Variants in CAD observed in about 807,000 individuals in gnomAD.
CAD encodes the protein carbamoyl-phosphate synthetase 2, aspartate transcarbamylase, and dihydroorotase.
In CAD, 81 loss-of-function variants were observed where a neutral mutation model predicts 237.2. The ratio of observed to expected loss-of-function variants is 0.34; its 90% confidence interval spans 0.29 to 0.41. CAD has a LOEUF of 0.41. Ranked by LOEUF, CAD falls within the 10% of genes least tolerant of loss-of-function variation. The pLI is 1.00. For missense variants in CAD, 2,181 were observed against 2,951.7 expected (o/e 0.74, Z 6.05); for synonymous variants, 1,196 against 1,162.8 (o/e 1.03, Z -0.58).
In CAD at chr2:27,240,253, T is replaced by A. The variant is rs1676245980; in HGVS notation, c.5497-12T>A. ...AAAAAAAAACAACTCTGGGCCAACG[T>A]TATCCCTCCAGACACCTGAAAGACC... On this transcript the variant is annotated splice_polypyrimidine_tract_variant and intron_variant, in intron 34 of 43. Coordinates refer to ENST00000264705, the MANE Select transcript of CAD (RefSeq NM_004341.5). The surrounding 1 kb of genome is among the most constrained non-coding windows in gnomAD (Gnocchi z 4.6). 1.2e-6 allele frequency: 2 copies of A among 1,602,496 alleles called. No homozygotes were observed. The highest frequency in any genetic ancestry group is 3.4e-5 in the Admixed American group (2 of 58,892).
chr2:27,225,788 C>T lies in CAD; in HGVS notation c.1704C>T (p.Ala568=). Residue 568 remains alanine, a synonymous_variant, in exon 12 of 44, where the codon GCC becomes GCT. Coordinates refer to ENST00000264705, the MANE Select transcript of CAD (RefSeq NM_004341.5). The stretch of plus-strand genomic sequence containing the variant: ...TGGGTGGCCTGGGCTCTGGCTTTGC[C>T]TCTAACAGGGAGGAGCTCTCTGCTC... The part of the protein sequence containing the change: ...FALGGLGSGF[A]SNREELSALV... The T allele has an allele frequency of 6.2e-7, 1 of 1,614,208 alleles. No individual in the cohort carries two copies. The highest frequency in any genetic ancestry group is 8.5e-7 in the Non-Finnish European group (1 of 1,180,038).
In CAD at chr2:27,237,871, C is replaced by T. The variant is rs1676098103; in HGVS notation, c.4717C>T (p.Gln1573Ter). ...FSELRLDSVV[Q>*]WMEHFETWPS... is the part of the protein sequence containing the mutation. ...TGAGCTGCGGCTGGACAGCGTGGTC[C>T]AGTGGATGGAGGTAGGGAGTGTGCA... Residue 1573 changes from glutamine to a stop codon, truncating the protein, a stop_gained, in exon 29 of 44, where the codon CAG (glutamine) becomes TAG (stop). Coordinates refer to ENST00000264705, the MANE Select transcript of CAD (RefSeq NM_004341.5). LOFTEE classifies it high-confidence loss of function. The surrounding 1 kb of genome is among the most constrained non-coding windows in gnomAD (Gnocchi z 4.0). The T allele has an allele frequency of 6.2e-7, 1 of 1,611,120 alleles. No homozygotes were observed. The highest frequency in any genetic ancestry group is 8.5e-7 in the Non-Finnish European group (1 of 1,178,414).
chr2:27,242,864 C>T lies in CAD; in HGVS notation c.6379-8C>T, dbSNP rs1015948575. On this transcript the variant is annotated splice_polypyrimidine_tract_variant and splice_region_variant and intron_variant, in intron 41 of 43. Transcript: ENST00000264705. This position sits in a 1 kb window ranked among gnomAD's most constrained non-coding sequence, Gnocchi z 6.4. The stretch of plus-strand genomic sequence containing the variant: ...GCTGCATCCACCATGGCTCTCCTCA[C>T]CCTCCAGGAGGAATTCGAGAGCATT... The T allele has an allele frequency of 1.2e-6, 2 of 1,613,450 alleles. No homozygotes were observed. The highest frequency in any genetic ancestry group is 1.3e-5 in the African/African-American group (1 of 74,934).
Position 27,236,127 on chromosome 2 carries a change from C to T in CAD, c.4075-157C>T, listed in dbSNP as rs1558540181. Among the ~76,000 whole-genome samples, 1 of 150,420 alleles carries T rather than the reference C, an allele frequency of 6.6e-6. No individual in the cohort carries two copies. Among genetic ancestry groups the T allele is most frequent in the East Asian group, 2.0e-4 (1 of 5,080 alleles). Reference sequence around the variant, plus strand: ...TAGATATCTTTCCTGCCAAGAAATACACTTTGCCAGTATCAAATAGAGGCA... The same window carrying T: ...TAGATATCTTTCCTGCCAAGAAATATACTTTGCCAGTATCAAATAGAGGCA... On this transcript the variant is annotated intron_variant, in intron 25 of 43. Transcript: ENST00000264705. The surrounding 1 kb of genome is among the most constrained non-coding windows in gnomAD (Gnocchi z 4.1).
chr2:27,223,877 A>G (rs773035547), intron 7 of CAD, 40 bp from the exon 8 acceptor site: 3 of 1,557,762 alleles, frequency 1.9e-6, no homozygotes, highest in East Asian at 2.2e-5. Context: ...GTGTCATGCC[A>G]GGGACCATGA....
At position 27,234,647 on chromosome 2, in the gene CAD, G is replaced by A. The variant is rs760772756; in HGVS notation, c.3748G>A (p.Val1250Met). Reference sequence around the variant, plus strand: ...CATCATGGGGGAAGAAGTGGAACCTGTGGGGCTAATGACTGGTTCTGGAGT... The same window carrying A: ...CATCATGGGGGAAGAAGTGGAACCTATGGGGCTAATGACTGGTTCTGGAGT... ...RVIMGEEVEP[V>M]GLMTGSGVVG... Residue 1250 changes from valine (V) to methionine (M), a missense_variant, in exon 23 of 44, where the codon GTG becomes ATG. By Grantham distance (21) the Val-to-Met change is conservative. Around this residue, in one of 12 missense-constraint regions of CAD, gnomAD observed 306 missense variants for 607.9 expected, o/e 0.50. Coordinates refer to ENST00000264705, the MANE Select transcript of CAD (RefSeq NM_004341.5). 8.1e-6 allele frequency: 13 copies of A among 1,614,178 alleles called. No individual in the cohort carries two copies. The South Asian group carries it at 1.3e-4, about 16-fold the overall frequency.
chr2:27,226,693 G>A (rs759985811), intron 14 of CAD, 44 bp downstream of exon 14: 1 of 1,611,122 alleles, frequency 6.2e-7, no homozygotes, highest in Non-Finnish European at 8.5e-7. Context: ...GTGGGTCGGG[G>A]GCTGAGGAAA....
intron 6 of CAD, 95 bp from the exon 7 acceptor site, chr2:27,223,468 G>A (rs1675281834): frequency 9.2e-7 from 1 of 1,088,702 alleles, no homozygotes; most frequent in Non-Finnish European, 1.3e-6. Flanking sequence ...CAGGAGTGAG[G>A]CTACTGAGAA....
rs756404773 is a variant in CAD at position 27,233,562 on chromosome 2, C to A, written c.3216+26C>A. On this transcript the variant is annotated intron_variant, in intron 20 of 43. Transcript: ENST00000264705. This position sits in a 1 kb window ranked among gnomAD's most constrained non-coding sequence, Gnocchi z 6.3. The stretch of plus-strand genomic sequence containing the variant: ...GTGGGCTGGGACCTGGTGGGTTACC[C>A]GGAGGCTGGATGATGCTTGGGGGAA... 7 of 1,613,544 alleles carry A rather than the reference C, an allele frequency of 4.3e-6. No homozygotes were observed. Among genetic ancestry groups the A allele is most frequent in the Non-Finnish European group, 5.9e-6 (7 of 1,179,624 alleles).
chr2:27,223,846 C>T, intron 7 of CAD, 71 bp from the exon 8 acceptor site: 1 of 1,544,522 alleles, frequency 6.5e-7, no homozygotes, highest in Non-Finnish European at 8.9e-7. Flanking sequence ...CCCTGTCCCA[C>T]TACCCACCTC....
At chr2:27,223,514 T>A in intron 6 of CAD, 49 bp from the exon 7 acceptor site, 1 of 1,559,402 alleles carries the variant, frequency 6.4e-7, no homozygotes, top group Non-Finnish European at 8.8e-7. Flanking sequence ...GGTTCAGTAG[T>A]GAAGAGAGGG....
chr2:27,237,679 T>C lies in CAD; in HGVS notation c.4564-39T>C. ...GGTGCCAGGCTAGCCTGTGTGGGCA[T>C]GGGTGCCAGTGAGCCTTACCTCTGT... On this transcript the variant is annotated intron_variant, in intron 28 of 43. Transcript: ENST00000264705. This position sits in a 1 kb window ranked among gnomAD's most constrained non-coding sequence, Gnocchi z 4.0. 1 of 1,592,264 alleles carries C rather than the reference T, an allele frequency of 6.3e-7. No individual in the cohort carries two copies. The highest frequency in any genetic ancestry group is 8.6e-7 in the Non-Finnish European group (1 of 1,167,136).
At position 27,241,100 on chromosome 2, in the gene CAD, C is replaced by A; in HGVS notation, c.5681C>A (p.Pro1894Gln). Residue 1894 changes from proline (P) to glutamine (Q), a missense_variant, in exon 37 of 44, where the codon CCA becomes CAA. This residue lies in a region of CAD where 203 missense variants were observed against 284.5 expected (regional missense o/e 0.71). Coordinates refer to ENST00000264705, the MANE Select transcript of CAD (RefSeq NM_004341.5). This position sits in a 1 kb window ranked among gnomAD's most constrained non-coding sequence, Gnocchi z 4.6. ...TPDGTCYPPP[P>Q]VPRQASPQNL... ...GATGGCACCTGCTACCCTCCACCAC[C>A]AGTACCGAGACAGGCATCTCCCCAG... 6.2e-7 allele frequency: 1 copy of A among 1,609,304 alleles called. No homozygotes were observed.
rs1461244817 is a variant in CAD, at chr2:27,238,193, A to T, written c.4860+6A>T. On this transcript the variant is annotated splice_donor_region_variant and intron_variant, in intron 30 of 43. Transcript: ENST00000264705. Reference sequence around the variant, plus strand: ...ACGTGGCACGGAAGGAGGAGGTAAGAGTACACCTGAGATCCTGCTGTCCCT... The same window carrying T: ...ACGTGGCACGGAAGGAGGAGGTAAGTGTACACCTGAGATCCTGCTGTCCCT... 4 of 1,613,646 alleles carry T rather than the reference A, an allele frequency of 2.5e-6. No homozygotes were observed. Among genetic ancestry groups the T allele is most frequent in the Admixed American group, 3.3e-5 (2 of 59,968 alleles).
intron 1 of CAD, 33 bp downstream of exon 1, chr2:27,217,666 C>T: frequency 1.3e-6 from 2 of 1,554,874 alleles, no homozygotes; most frequent in Non-Finnish European, 1.7e-6. Flanking sequence ...CAGACCTTAT[C>T]CCACTCTGTG....
In CAD at chr2:27,233,061, T is replaced by C. The variant is rs772540619; in HGVS notation, c.2912T>C (p.Met971Thr). ...TTGCAGATGGGATATAAGACCATCATGGTGAACTATAACCCAGAGACAGTC... is the reference window on the plus strand; with the variant it reads ...TTGCAGATGGGATATAAGACCATCACGGTGAACTATAACCCAGAGACAGTC... ...QLRKMGYKTI[M>T]VNYNPETVST... Residue 971 changes from methionine (M) to threonine (T), a missense_variant, in exon 19 of 44, where the codon ATG (methionine) becomes ACG (threonine). Around this residue, in one of 12 missense-constraint regions of CAD, gnomAD observed 385 missense variants for 535.1 expected, o/e 0.72. Transcript: ENST00000264705. The surrounding 1 kb of genome is among the most constrained non-coding windows in gnomAD (Gnocchi z 6.3). 1.2e-6 allele frequency: 2 copies of C among 1,611,700 alleles called. No individual in the cohort carries two copies. The highest frequency in any genetic ancestry group is 1.7e-6 in the Non-Finnish European group (2 of 1,177,766).
At chr2:27,229,432 AT>A (rs1365111538) in intron 15 of CAD, among the ~76,000 whole-genome samples, 18 of 148,298 alleles carry the variant, frequency 1.2e-4, no homozygotes, top group East Asian at 2.0e-4. Context: ...CACCTTGCTA[AT>A]TTTTTTTTTT....
rs1675991787 is a variant in CAD at position 27,236,172 on chromosome 2, T to C, written c.4075-112T>C. 1 of 1,425,128 alleles carries C rather than the reference T, an allele frequency of 7.0e-7. No homozygotes were observed. Among genetic ancestry groups the C allele is most frequent in the African/African-American group, 1.4e-5 (1 of 70,148 alleles). The allele number at this position is 1,425,128 out of a possible 1,614,324, so 88.3% of individuals were successfully genotyped here. On this transcript the variant is annotated intron_variant, in intron 25 of 43. Coordinates refer to ENST00000264705, the MANE Select transcript of CAD (RefSeq NM_004341.5). The surrounding 1 kb of genome is among the most constrained non-coding windows in gnomAD (Gnocchi z 4.1). The stretch of plus-strand genomic sequence containing the variant: ...GAGGCAGCCCTCAGTGCCCACCCTA[T>C]GGGTCCTCAGTCTCCTCATCATGGG...
At position 27,235,459 on chromosome 2, in the gene CAD, C is replaced by T. The variant is rs746770537; in HGVS notation, c.3969+32C>T. On this transcript the variant is annotated intron_variant, in intron 24 of 43. Coordinates refer to ENST00000264705, the MANE Select transcript of CAD (RefSeq NM_004341.5). This position sits in a 1 kb window ranked among gnomAD's most constrained non-coding sequence, Gnocchi z 5.2. ...GAATCCAGGAGGGCTTCCCGAGGGC[C>T]GTGGCTCCCTGGGCCAGGGCTGACC... is the stretch of plus-strand genomic sequence containing the variant. 7.4e-5 allele frequency: 119 copies of T among 1,608,078 alleles called. No homozygotes were observed. The highest frequency in any genetic ancestry group is 1.7e-4 in the Middle Eastern group (1 of 6,048).
Sources: allele counts gnomAD v4.1 joint callset (sites outside exome capture counted in the v4.1 genomes callset), GRCh38; gene constraint gnomAD v4.1.1; regional missense constraint gnomAD v4.1.1; non-coding constraint Gnocchi (gnomAD v3.1); transcripts MANE v1.5; gene names NCBI Gene and HGNC (gene_info 2026-07-23, HGNC 2026-07-21).